The following ALS2 variants were observed in gnomAD, a reference collection of about 807,000 sequenced individuals.
ALS2 encodes alsin Rho guanine nucleotide exchange factor ALS2, also known as alsin.
ALS2 carries 117 observed loss-of-function variants against 203.4 expected under a neutral mutation model. The ratio of observed to expected loss-of-function variants is 0.58; its 90% confidence interval spans 0.50 to 0.67. The LOEUF is 0.67. Ranked by LOEUF, ALS2 falls within the 30% of genes least tolerant of loss-of-function variation. The pLI is 0.00. For missense variants in ALS2, 1,715 were observed against 1,989.4 expected, an observed-to-expected ratio of 0.86 and a Z score of 2.62; for synonymous variants, 718 against 725.9, an observed-to-expected ratio of 0.99 and a Z score of 0.17.
Position 201,746,595 on chromosome 2 carries a change from TA to T in ALS2, c.1968del (p.Lys657ArgfsTer14). 1 of 1,614,226 alleles carries T rather than the reference TA, an allele frequency of 6.2e-7. No individual in the cohort carries two copies. The highest frequency in any genetic ancestry group is 8.5e-7 in the Non-Finnish European group (1 of 1,180,044). On this transcript the variant is annotated frameshift_variant, in exon 9 of 34. Transcript: ENST00000264276. LOFTEE classifies it high-confidence loss of function. The part of the protein sequence containing the change: ...GDNLPENHSG[S>X]KTPVLLSCSK... The stretch of plus-strand genomic sequence containing the variant: ...CTACAGGAGAGAAGTACTGGAGTCT[TA>T]GAACCACTGTGATTCTCTGGAAGGT...
At chr2:201,738,562 T>A in intron 12 of ALS2, 108 bp downstream of exon 12, 1 of 1,053,604 alleles carries the variant, frequency 9.5e-7, no homozygotes, top group Admixed American at 1.9e-5. Context: ...TTGACTTGTT[T>A]GGTAAAATGA....
At chr2:201,758,760 A>ATG (rs775648737) in intron 4 of ALS2, among the ~76,000 whole-genome samples, 5,864 of 150,690 alleles carry the variant, frequency 0.039, 295 homozygotes, top group African/African-American at 0.12. Context: ...GTGTGTGCGC[A>ATG]TGTGTGTGTG....
Position 201,757,579 on chromosome 2 carries a change from T to C in ALS2, c.1294A>G (p.Thr432Ala). The stretch of plus-strand genomic sequence containing the variant: ...GCACTACTGCCTGCCTGAGCTCCAG[T>C]TTCACAAGGGGTTGTACTATAAAAG... ...MNFYSTTPCE[T>A]GAQAGSSAIG... The change falls in exon 5 of 34, where the codon ACT becomes GCT. Residue 432 changes from threonine to alanine, a missense_variant. By Grantham distance (58) the Thr-to-Ala change is moderately conservative. Transcript: ENST00000264276. 1 of 1,614,176 alleles carries C rather than the reference T, an allele frequency of 6.2e-7. No homozygotes were observed. Among genetic ancestry groups the C allele is most frequent in the Non-Finnish European group, 8.5e-7 (1 of 1,180,022 alleles).
In ALS2 at chr2:201,767,236, CAGA is replaced by C. The variant is rs1320134230; in HGVS notation, c.165_167del (p.Leu56del). 1.2e-6 allele frequency: 2 copies of C among 1,614,034 alleles called. No homozygotes were observed. Among genetic ancestry groups the C allele is most frequent in the Non-Finnish European group, 1.7e-6 (2 of 1,180,004 alleles). On this transcript the variant is annotated inframe_deletion, in exon 3 of 34. Transcript: ENST00000264276. Reference sequence around the variant, plus strand: ...CGCCATTCTTTTCATTACCTTCAGTCAGAAGAACTCCATGTTTCACTCCGAGGG... The same window carrying C: ...CGCCATTCTTTTCATTACCTTCAGTCAGAACTCCATGTTTCACTCCGAGGG...
At chr2:201,758,769 T>C (rs1693568562) in intron 4 of ALS2, among the ~76,000 whole-genome samples, 1 of 151,966 alleles carries the variant, frequency 6.6e-6, no homozygotes, top group Non-Finnish European at 1.5e-5. Flanking sequence ...CATGTGTGTG[T>C]GTGTGTGTGT....
Position 201,704,192 on chromosome 2 carries a change from T to A in ALS2, c.4865A>T (p.His1622Leu). The A allele has an allele frequency of 6.2e-7, 1 of 1,614,126 alleles. No individual in the cohort carries two copies. The highest frequency in any genetic ancestry group is 1.1e-5 in the South Asian group (1 of 91,082). Residue 1622 changes from histidine to leucine, a missense_variant, in exon 33 of 34, where the codon CAC becomes CTC. Physicochemically the swap from His to Leu is moderately conservative, Grantham distance 99. Coordinates refer to ENST00000264276, the MANE Select transcript of ALS2 (RefSeq NM_020919.4). Reference sequence around the variant, plus strand: ...GGGGTCCATTAGATCCTCAATGAGGTGTACCTCAGAGCCTAAATTCCTAAT... The same window carrying A: ...GGGGTCCATTAGATCCTCAATGAGGAGTACCTCAGAGCCTAAATTCCTAAT... ...ARIRNLGSEVHLIEDLMDPYL... is the reference protein window; with the variant it reads ...ARIRNLGSEVLLIEDLMDPYL...
chr2:201,720,169 A>T, intron 23 of ALS2: 1 of 415,918 alleles, frequency 2.4e-6, no homozygotes, highest in Non-Finnish European at 4.7e-6. Context: ...ATAAAAGAAA[A>T]CTACAGACCA....
rs764961356 is a variant in ALS2 at position 201,753,155 on chromosome 2, C to A, written c.1728G>T (p.Ala576=). The A allele has an allele frequency of 1.9e-6, 3 of 1,613,946 alleles. No individual in the cohort carries two copies. Among genetic ancestry groups the A allele is most frequent in the Non-Finnish European group, 1.7e-6 (2 of 1,179,828 alleles). The stretch of plus-strand genomic sequence containing the variant: ...ATAGTTTGCCTCCTACCTGGGATTT[C>A]GCAGTAAGTGCAAGAGAATGGTAAC... ...AGGYHSLALT[A]KSQVYSWGSN... is the part of the protein sequence containing the mutation. Residue 576 remains alanine (A), a synonymous_variant, in exon 7 of 34, where the codon GCG becomes GCT. Transcript: ENST00000264276.
Position 201,749,729 on chromosome 2 carries a change from CTGT to C in ALS2, c.1795_1797del (p.Thr599del), listed in dbSNP as rs1559072302. On this transcript the variant is annotated inframe_deletion, in exon 8 of 34. Coordinates refer to ENST00000264276, the MANE Select transcript of ALS2 (RefSeq NM_020919.4). ...AAAAGTACCTTTGCAAGACGAGGAA[CTGT>C]TGTTGGAAAATCGGAATGCCCAAGT... 6.2e-7 allele frequency: 1 copy of C among 1,614,042 alleles called. No individual in the cohort carries two copies. Among genetic ancestry groups the C allele is most frequent in the Admixed American group, 1.7e-5 (1 of 60,016 alleles).
intron 3 of ALS2, among the ~76,000 whole-genome samples, chr2:201,763,750 TCC>T (rs1693900540): frequency 6.6e-6 from 1 of 152,178 alleles, no homozygotes; most frequent in Non-Finnish European, 1.5e-5. Flanking sequence ...CTCATGTATG[TCC>T]AGCTATGCTA....
intron 3 of ALS2, among the ~76,000 whole-genome samples, chr2:201,764,046 C>T (rs529625310): frequency 2.5e-4 from 38 of 152,256 alleles, no homozygotes; most frequent in African/African-American, 9.1e-4. Context: ...CATGTATACA[C>T]TCAAGTTAAC....
intron 24 of ALS2, among the ~76,000 whole-genome samples, chr2:201,717,049 A>G (rs1690444162): frequency 6.6e-6 from 1 of 152,204 alleles, no homozygotes; most frequent in Admixed American, 6.5e-5. Flanking sequence ...AATGGGTATA[A>G]TATACTTAGA....
intron 13 of ALS2, among the ~76,000 whole-genome samples, chr2:201,731,576 C>A: frequency 6.6e-6 from 1 of 151,886 alleles, no homozygotes; most frequent in East Asian, 1.9e-4. Flanking sequence ...AGAATTCATT[C>A]AATAAAAGTA....
At chr2:201,724,904 G>A (rs527269489) in intron 20 of ALS2, among the ~76,000 whole-genome samples, 39 of 152,050 alleles carry the variant, frequency 2.6e-4, no homozygotes, top group Non-Finnish European at 4.0e-4. Context: ...ACGAGGTCAG[G>A]AGATCGAGAC....
rs1692489276 is a variant in ALS2 at position 201,744,352 on chromosome 2, A to G, written c.2076T>C (p.Ile692=). 1 of 1,613,986 alleles carries G rather than the reference A, an allele frequency of 6.2e-7. No homozygotes were observed. The highest frequency in any genetic ancestry group is 1.7e-5 in the Admixed American group (1 of 60,002). ...TAGTAGCTAACTCGTGGAGACTGGC[A>G]ATATACCCCATAATGTTTTTATCCA... is the stretch of plus-strand genomic sequence containing the variant. ...ALVDKNIMGY[I]ASLHELATTE... The change falls in exon 10 of 34, where the codon ATT becomes ATC. Residue 692 remains isoleucine (I), a synonymous_variant. Transcript: ENST00000264276.
Position 201,741,872 on chromosome 2 carries a change from T to A in ALS2, c.2171-18A>T, listed in dbSNP as rs774609530. 1.3e-6 allele frequency: 2 copies of A among 1,594,814 alleles called. No individual in the cohort carries two copies. Among genetic ancestry groups the A allele is most frequent in the South Asian group, 1.1e-5 (1 of 90,088 alleles). On this transcript the variant is annotated intron_variant, in intron 10 of 33. Coordinates refer to ENST00000264276, the MANE Select transcript of ALS2 (RefSeq NM_020919.4). The stretch of plus-strand genomic sequence containing the variant: ...CAAATTTTCTATAACAAAATAATGA[T>A]GATGATGACAACACAAACTGAAAAC...
chr2:201,772,096 A>C (rs1454953814), intron 1 of ALS2, among the ~76,000 whole-genome samples: 2 of 152,248 alleles, frequency 1.3e-5, no homozygotes, highest in East Asian at 3.8e-4. Context: ...CTTCACAGTG[A>C]TATGTAAAGT....
At position 201,754,629 on chromosome 2, in the gene ALS2, C is replaced by T; in HGVS notation, c.1514G>A (p.Arg505Lys). 1 of 1,614,146 alleles carries T rather than the reference C, an allele frequency of 6.2e-7. No homozygotes were observed. The highest frequency in any genetic ancestry group is 8.5e-7 in the Non-Finnish European group (1 of 1,180,012). Residue 505 changes from arginine (R) to lysine (K), a missense_variant, in exon 6 of 34, where the codon AGG becomes AAG. Coordinates refer to ENST00000264276, the MANE Select transcript of ALS2 (RefSeq NM_020919.4). Reference protein sequence around the residue: ...LLRKAARVKTRTVVLTPTYSG... With the variant: ...LLRKAARVKTKTVVLTPTYSG... ...GTATGTGGGGGTCAGAACCACTGTCCTCGTTTTCACCCGTGCAGCCTTTCT... is the reference window on the plus strand; with the variant it reads ...GTATGTGGGGGTCAGAACCACTGTCTTCGTTTTCACCCGTGCAGCCTTTCT...
At chr2:201,748,365 A>G (rs1692808881) in intron 8 of ALS2, among the ~76,000 whole-genome samples, 1 of 152,176 alleles carries the variant, frequency 6.6e-6, no homozygotes, top group African/African-American at 2.4e-5. Flanking sequence ...TAGTCTCAAA[A>G]CTAACTCAAA....
Sources: allele counts gnomAD v4.1 joint callset (sites outside exome capture counted in the v4.1 genomes callset), GRCh38; gene constraint gnomAD v4.1.1; transcripts MANE v1.5; gene names NCBI Gene and HGNC (gene_info 2026-07-23, HGNC 2026-07-21).